The following PDE1C variants were observed in gnomAD, a reference collection of about 807,000 sequenced individuals.
PDE1C encodes the protein phosphodiesterase 1C.
A neutral mutation model predicts 93.1 loss-of-function variants in PDE1C; 62 were observed. The observed-to-expected ratio is 0.67, with a 90% CI of 0.54 to 0.82. PDE1C has a LOEUF of 0.82. PDE1C is among the 40% of genes least tolerant of loss of function. The pLI is 0.00. For missense variants in PDE1C, 742 were observed against 884.6 expected (o/e 0.84, Z 2.04); for synonymous variants, 325 against 310.1 (o/e 1.05, Z -0.50).
At chr7:32,398,959 T>A (rs993459660) in intron 1 of PDE1C, among the ~76,000 whole-genome samples, 3 of 152,176 alleles carry the variant, frequency 2.0e-5, no homozygotes, top group Admixed American at 2.0e-4. Flanking sequence ...TTAGTTTGCA[T>A]CTGATTCTTC....
intron 2 of PDE1C, among the ~76,000 whole-genome samples, chr7:32,203,244 C>G (rs75348237): frequency 2.0e-5 from 3 of 152,104 alleles, no homozygotes; most frequent in Non-Finnish European, 4.4e-5. Context: ...TTTTTGTCTT[C>G]ATCCATCCCC....
At chr7:32,104,199 G>A (rs1384210011) in intron 3 of PDE1C, among the ~76,000 whole-genome samples, 5 of 152,158 alleles carry the variant, frequency 3.3e-5, no homozygotes, top group Non-Finnish European at 7.3e-5. Flanking sequence ...CCAGTGTAAA[G>A]AGAAATAGGA....
intron 3 of PDE1C, among the ~76,000 whole-genome samples, chr7:32,169,133 G>GA (rs978852175): frequency 2.9e-4 from 44 of 151,266 alleles, no homozygotes; most frequent in Admixed American, 8.6e-4. Flanking sequence ...CCCATTTGGG[G>GA]AAAAAAAAAT....
At chr7:32,204,540 T>C (rs1805276609) in intron 2 of PDE1C, among the ~76,000 whole-genome samples, 1 of 152,160 alleles carries the variant, frequency 6.6e-6, no homozygotes, top group African/African-American at 2.4e-5. Context: ...GAATGCAGCG[T>C]CTTTTACGTC....
chr7:31,730,416 T>C, the PDE1C span, among the ~76,000 whole-genome samples: 3 of 152,176 alleles, frequency 2.0e-5, no homozygotes, highest in African/African-American at 7.2e-5. Flanking sequence ...TGCTCTGCAG[T>C]GTCATCCCAG....
chr7:31,739,520 T>C, the PDE1C span, among the ~76,000 whole-genome samples: 1 of 152,240 alleles, frequency 6.6e-6, no homozygotes, highest in African/African-American at 2.4e-5. Flanking sequence ...CATTTTCTAA[T>C]GTAATCATTC....
At chr7:31,979,309 A>ATCCATGCCATGGTTTCTATCTC (rs1409342555) in intron 2 of PDE1C, among the ~76,000 whole-genome samples, 4 of 152,224 alleles carry the variant, frequency 2.6e-5, no homozygotes. Flanking sequence ...TGGACCAGTT[A>ATCCATGCCATGGTTTCTATCTC]TCCATGCCAT....
At chr7:32,404,011 T>A (rs1463375730) in intron 1 of PDE1C, among the ~76,000 whole-genome samples, 1 of 152,158 alleles carries the variant, frequency 6.6e-6, no homozygotes, top group African/African-American at 2.4e-5. Flanking sequence ...TTGCATCACA[T>A]CCTCCATCTA....
upstream of PDE1C, among the ~76,000 whole-genome samples, chr7:32,073,958 T>G (rs1796206751): frequency 6.6e-6 from 1 of 152,230 alleles, no homozygotes; most frequent in African/African-American, 2.4e-5. Flanking sequence ...TTAGGAAACA[T>G]TACATGGTCA....
At chr7:31,617,864 GTTACTT>G in the PDE1C span, among the ~76,000 whole-genome samples, 2 of 152,196 alleles carry the variant, frequency 1.3e-5, no homozygotes, top group Non-Finnish European at 2.9e-5. Context: ...TAAGAAGAGA[GTTACTT>G]TTATTTACTT....
chr7:31,741,933 C>T, the PDE1C span, among the ~76,000 whole-genome samples: 1 of 152,316 alleles, frequency 6.6e-6, no homozygotes, highest in East Asian at 1.9e-4. Flanking sequence ...CAGGCATAGC[C>T]CTCATCACAT....
At chr7:31,732,729 TTTATTGCCACAATG>T in the PDE1C span, among the ~76,000 whole-genome samples, 8 of 151,530 alleles carry the variant, frequency 5.3e-5, no homozygotes, top group Non-Finnish European at 1.0e-4. Flanking sequence ...CTTAGAGCTC[TTTATTGCCACAATG>T]TGTGTTTGGT....
intron 3 of PDE1C, among the ~76,000 whole-genome samples, chr7:32,151,856 A>G (rs1289519708): frequency 6.6e-6 from 1 of 152,188 alleles, no homozygotes; most frequent in Non-Finnish European, 1.5e-5. Context: ...CACAGGCTCA[A>G]ATGTCACACT....
chr7:32,423,549 A>G (rs1351145585), intron 1 of PDE1C, among the ~76,000 whole-genome samples: 1 of 152,198 alleles, frequency 6.6e-6, no homozygotes, highest in African/African-American at 2.4e-5. Context: ...TTAAAATGCT[A>G]AGACTCTGGT....
chr7:31,926,616 C>T (rs1266408997), intron 2 of PDE1C, among the ~76,000 whole-genome samples: 1 of 152,118 alleles, frequency 6.6e-6, no homozygotes, highest in Non-Finnish European at 1.5e-5. Context: ...ACTGGTTAGA[C>T]AGCGGGTGCA....
At chr7:31,736,640 T>G in the PDE1C span, among the ~76,000 whole-genome samples, 1 of 152,354 alleles carries the variant, frequency 6.6e-6, no homozygotes, top group East Asian at 1.9e-4. Flanking sequence ...TGGGAAACAC[T>G]GATTTGGAAT....
At chr7:31,638,264 C>G in the PDE1C span, among the ~76,000 whole-genome samples, 11 of 152,144 alleles carry the variant, frequency 7.2e-5, no homozygotes, top group African/African-American at 2.7e-4. Flanking sequence ...ATAACAAAGG[C>G]AGTGAAGTCT....
intron 2 of PDE1C, among the ~76,000 whole-genome samples, chr7:32,175,586 T>C (rs1218908973): frequency 2.0e-5 from 3 of 152,182 alleles, no homozygotes; most frequent in Non-Finnish European, 2.9e-5. Flanking sequence ...ATCTCTGCAC[T>C]CAAGAAGCTT....
Position 31,796,763 on chromosome 7 carries a change from C to G in PDE1C, c.1891+12268G>C, listed in dbSNP as rs139876302. Among the ~76,000 whole-genome samples, 99 of 151,822 alleles carry G rather than the reference C, an allele frequency of 6.5e-4. 1 individual carries two copies. Among genetic ancestry groups the G allele is most frequent in the African/African-American group, 2.2e-3 (91 of 41,504 alleles). On this transcript the variant is annotated intron_variant, in intron 16 of 17. Coordinates refer to ENST00000396191, the MANE Select transcript of PDE1C (RefSeq NM_001191057.4). The stretch of plus-strand genomic sequence containing the variant: ...AACCAATTACGTTGGGTTTAAGCAT[C>G]ACTGAATTCACAGTAGCTCTTATTG...
Sources: gnomAD v4.1 joint callset for allele counts (sites outside exome capture counted in the v4.1 genomes callset) on GRCh38, gnomAD v4.1.1 for gene constraint, MANE v1.5 for transcripts, NCBI Gene and HGNC (gene_info 2026-07-23, HGNC 2026-07-21) for gene names.